SEPTIN14: variants seen among roughly 807,000 people sequenced by gnomAD.
SEPTIN14 encodes septin-14.
A neutral mutation model predicts 53.6 loss-of-function variants in SEPTIN14; 40 were observed. The observed-to-expected ratio is 0.75, with a 90% CI of 0.58 to 0.97. The LOEUF (loss-of-function observed/expected upper bound fraction) is 0.97, where lower values mean the gene tolerates loss of function less well. SEPTIN14 is among the 50% of genes least tolerant of loss of function. SEPTIN14 has a pLI of 0.00. For missense variants in SEPTIN14, 471 were observed against 508.2 expected (o/e 0.93, Z 0.70); for synonymous variants, 138 against 166.8 (o/e 0.83, Z 1.33).
At chr7:55,830,347 ATATTTT>A (rs1316513280) in intron 6 of SEPTIN14, among the ~76,000 whole-genome samples, 32 of 50,388 alleles carry the variant, frequency 6.4e-4, no homozygotes, top group African/African-American at 4.9e-3. Flanking sequence ...ATATATATAT[ATATTTT>A]TTTTTTTTTT....
rs776499846 is a variant in SEPTIN14 at position 55,842,950 on chromosome 7, C to A, written c.550G>T (p.Asp184Tyr). 3 of 1,507,066 alleles carry A rather than the reference C, an allele frequency of 2.0e-6. No individual in the cohort carries two copies. The highest frequency in any genetic ancestry group is 2.7e-6 in the Non-Finnish European group (3 of 1,130,884). 93.4% of individuals were successfully genotyped at this position (1,507,066 alleles called of 1,614,324 possible). ...SLDLLTMKNL[D>Y]SKVNIIPLIA... The stretch of plus-strand genomic sequence containing the variant: ...AGATTTACCAAACATACCTTACTGT[C>A]AAGGTTCTTCATTGTTAATAGATCA... The change falls in exon 5 of 10, where the codon GAC (aspartate) becomes TAC (tyrosine). Residue 184 changes from aspartate (D) to tyrosine (Y), a missense_variant. Transcript: ENST00000388975.
intron 5 of SEPTIN14, among the ~76,000 whole-genome samples, chr7:55,842,229 A>G (rs1183103972): frequency 6.6e-6 from 1 of 152,116 alleles, no homozygotes; most frequent in Non-Finnish European, 1.5e-5. Flanking sequence ...TTGCATAATG[A>G]TGAAATCACC....
intron 5 of SEPTIN14, among the ~76,000 whole-genome samples, chr7:55,837,123 T>A (rs1035661063): frequency 1.3e-5 from 2 of 148,788 alleles, no homozygotes; most frequent in African/African-American, 5.0e-5. Context: ...TTTTTTTTTT[T>A]GAGAGAGAGA....
intron 9 of SEPTIN14, among the ~76,000 whole-genome samples, chr7:55,804,460 C>T (rs1562705643): frequency 2.6e-5 from 4 of 151,896 alleles, no homozygotes; most frequent in Admixed American, 6.6e-5. Flanking sequence ...GGTTTCACCA[C>T]GTTGGCCAGG....
intron 3 of SEPTIN14, among the ~76,000 whole-genome samples, chr7:55,846,287 G>A (rs980134524): frequency 3.3e-5 from 5 of 151,126 alleles, no homozygotes; most frequent in South Asian, 2.1e-4. Flanking sequence ...GAGCCCAGGC[G>A]GCTGAGGCTA....
rs1373440813 is a variant in SEPTIN14, at chr7:55,843,089, C to T, written c.411G>A (p.Glu137=). The T allele has an allele frequency of 6.2e-7, 1 of 1,603,722 alleles. No individual in the cohort carries two copies. ...PIVDYIDAQF[E]AYLQEELKIK... ...TCTTCAGTTCTTCTTGAAGATAGGCCTCAAATTGGGCATCTATGTAGTCAA... is the reference window on the plus strand; with the variant it reads ...TCTTCAGTTCTTCTTGAAGATAGGCTTCAAATTGGGCATCTATGTAGTCAA... The change falls in exon 5 of 10, where the codon GAG becomes GAA. Residue 137 remains glutamate (E), a synonymous_variant. Coordinates refer to ENST00000388975, the MANE Select transcript of SEPTIN14 (RefSeq NM_207366.3).
rs1024147406 is a variant in SEPTIN14 at position 55,846,551 on chromosome 7, G to C, written c.141C>G (p.Ile47Met). The C allele has an allele frequency of 6.3e-7, 1 of 1,597,740 alleles. No individual in the cohort carries two copies. The highest frequency in any genetic ancestry group is 1.7e-5 in the Admixed American group (1 of 58,336). The change falls in exon 3 of 10, where the codon ATC becomes ATG. Residue 47 changes from isoleucine (I) to methionine (M), a missense_variant. Transcript: ENST00000388975. ...GAATATTAAAAGTGAATCCTTGTCGGATAGATCTGCTCACCAACTGATTGG... is the reference window on the plus strand; with the variant it reads ...GAATATTAAAAGTGAATCCTTGTCGCATAGATCTGCTCACCAACTGATTGG... ...CLPNQLVSRSIRQGFTFNILC... is the reference protein window; with the variant it reads ...CLPNQLVSRSMRQGFTFNILC...
intron 7 of SEPTIN14, among the ~76,000 whole-genome samples, chr7:55,818,552 C>T (rs1788834782): frequency 6.6e-6 from 1 of 150,592 alleles, no homozygotes; most frequent in Non-Finnish European, 1.5e-5. Context: ...ATATGAACCA[C>T]AAGTATATGA....
chr7:55,830,347 A>ATTTTTTTTTTTTTTTT (rs1283196897), intron 6 of SEPTIN14, among the ~76,000 whole-genome samples: 2 of 50,408 alleles, frequency 4.0e-5, no homozygotes, highest in African/African-American at 3.1e-4. Context: ...ATATATATAT[A>ATTTTTTTTTTTTTTTT]TATTTTTTTT....
chr7:55,830,347 A>ATTTTTTT (rs1283196897), intron 6 of SEPTIN14, among the ~76,000 whole-genome samples: 43 of 50,386 alleles, frequency 8.5e-4, no homozygotes, highest in East Asian at 1.1e-3. Flanking sequence ...ATATATATAT[A>ATTTTTTT]TATTTTTTTT....
chr7:55,853,114 C>T (rs13225185), intron 2 of SEPTIN14, among the ~76,000 whole-genome samples: 2,940 of 152,106 alleles, frequency 0.019, 39 homozygotes, highest in Middle Eastern at 0.031. Context: ...GTATGGAGAA[C>T]GTATGGAGGT....
intron 5 of SEPTIN14, among the ~76,000 whole-genome samples, chr7:55,837,908 C>T (rs1342079636): frequency 1.3e-5 from 2 of 152,020 alleles, no homozygotes; most frequent in African/African-American, 2.4e-5. Flanking sequence ...TCACAGAAAG[C>T]GCTAGACATT....
chr7:55,847,738 T>C (rs888611065), intron 2 of SEPTIN14, among the ~76,000 whole-genome samples: 2 of 152,208 alleles, frequency 1.3e-5, no homozygotes, highest in African/African-American at 4.8e-5. Context: ...AAATGATGTA[T>C]ACTTCAGATT....
intron 6 of SEPTIN14, among the ~76,000 whole-genome samples, chr7:55,823,565 CA>C (rs1436432458): frequency 1.3e-5 from 2 of 152,186 alleles, no homozygotes; most frequent in Non-Finnish European, 2.9e-5. Context: ...AGCCACTGTG[CA>C]AGCCAGAATG....
At chr7:55,810,287 C>T (rs973049383) in intron 7 of SEPTIN14, among the ~76,000 whole-genome samples, 4 of 151,656 alleles carry the variant, frequency 2.6e-5, no homozygotes, top group African/African-American at 9.7e-5. Context: ...AGATCCTTTG[C>T]CCATTTTTCC....
chr7:55,851,464 T>C (rs1199593499), intron 2 of SEPTIN14, among the ~76,000 whole-genome samples: 2 of 151,874 alleles, frequency 1.3e-5, no homozygotes, highest in African/African-American at 4.8e-5. Context: ...CACTTGTATA[T>C]AAAAAAGATT....
chr7:55,842,192 G>T (rs184994800), intron 5 of SEPTIN14, among the ~76,000 whole-genome samples: 1 of 152,108 alleles, frequency 6.6e-6, no homozygotes, highest in Non-Finnish European at 1.5e-5. Flanking sequence ...ATATCATGTA[G>T]GTATGTGTAG....
chr7:55,843,564 T>C (rs944844287), intron 4 of SEPTIN14, among the ~76,000 whole-genome samples: 4 of 152,224 alleles, frequency 2.6e-5, no homozygotes, highest in Non-Finnish European at 4.4e-5. Context: ...CCGGGCGCGG[T>C]GGCTCACGCC....
intron 2 of SEPTIN14, among the ~76,000 whole-genome samples, chr7:55,855,115 T>A (rs1789593593): frequency 6.6e-6 from 1 of 151,768 alleles, no homozygotes; most frequent in Non-Finnish European, 1.5e-5. Flanking sequence ...TTCACGCTAT[T>A]CTCCTCTCTC....
Sources: allele counts gnomAD v4.1 joint callset (sites outside exome capture counted in the v4.1 genomes callset), GRCh38; gene constraint gnomAD v4.1.1; transcripts MANE v1.5; gene names NCBI Gene and HGNC (gene_info 2026-07-23, HGNC 2026-07-21).